GPC5: variants seen among roughly 807,000 people sequenced by gnomAD.
GPC5 encodes glypican 5.
A neutral mutation model predicts 53.9 loss-of-function variants in GPC5; 47 were observed. That is an observed-to-expected ratio of 0.87 (90% confidence interval 0.69 to 1.11). The LOEUF is 1.11. GPC5 is among the 50% of genes most tolerant of loss of function. The pLI is 0.00. For synonymous variants in GPC5, 286 were observed against 263.3 expected, an observed-to-expected ratio of 1.09 and a Z score of -0.84; for missense variants, 748 against 713.1, an observed-to-expected ratio of 1.05 and a Z score of -0.56.
Position 91,435,778 on chromosome 13 carries a change from G to GT in GPC5, c.164-12981dup, listed in dbSNP as rs541089733. On this transcript the variant is annotated intron_variant, in intron 1 of 7. Coordinates refer to ENST00000377067, the MANE Select transcript of GPC5 (RefSeq NM_004466.6). ...GAAGGAATGGTACCAGCTCCTCCTT[G>GT]TTCCTCTGATAGAATTTGGCTGTGA... Among the ~76,000 whole-genome samples, 74 of 152,256 alleles carry GT rather than the reference G, an allele frequency of 4.9e-4. No homozygotes were observed. In the South Asian group the frequency reaches 0.015, roughly 30 times the overall value.
chr13:92,084,064 C>G (rs1273645118), intron 6 of GPC5, among the ~76,000 whole-genome samples: 8 of 152,018 alleles, frequency 5.3e-5, no homozygotes, highest in Admixed American at 4.6e-4. Flanking sequence ...TAAGTGGGAG[C>G]TGAATAATGA....
chr13:91,994,149 G>A (rs922321064), intron 6 of GPC5, among the ~76,000 whole-genome samples: 14 of 152,148 alleles, frequency 9.2e-5, no homozygotes, highest in African/African-American at 3.1e-4. Context: ...AGGAATACAA[G>A]TAAGAAAAGG....
At chr13:92,648,850 C>A (rs1316999) in intron 7 of GPC5, among the ~76,000 whole-genome samples, 2 of 151,832 alleles carry the variant, frequency 1.3e-5, no homozygotes, top group African/African-American at 4.8e-5. Context: ...GAGTGGCTCC[C>A]AATTGCTCAT....
rs1331001 is a variant in GPC5, at chr13:92,146,175, T to A, written c.1561+1186T>A. Among the ~76,000 whole-genome samples the A allele has an allele frequency of 1.8e-4, 28 of 152,242 alleles. No individual in the cohort carries two copies. The South Asian group carries it at 4.6e-3, about 25-fold the overall frequency. On this transcript the variant is annotated intron_variant, in intron 7 of 7. Transcript: ENST00000377067. ...CAAAAGGCCACAAAATTCTTAGTGC[T>A]AGTTAAATATATTCTATTCTTACAG...
intron 6 of GPC5, among the ~76,000 whole-genome samples, chr13:91,920,574 A>G (rs1295376872): frequency 2.0e-5 from 3 of 152,176 alleles, no homozygotes; most frequent in Admixed American, 6.5e-5. Context: ...ACGTGCCTAC[A>G]CACACACAGA....
intron 2 of GPC5, among the ~76,000 whole-genome samples, chr13:91,624,366 A>G (rs1260688878): frequency 1.3e-5 from 2 of 152,154 alleles, no homozygotes; most frequent in Non-Finnish European, 2.9e-5. Flanking sequence ...TAGTATCACA[A>G]GTGTGAATAC....
At chr13:91,660,025 T>C (rs527479053) in intron 2 of GPC5, among the ~76,000 whole-genome samples, 1 of 152,280 alleles carries the variant, frequency 6.6e-6, no homozygotes, top group South Asian at 2.1e-4. Flanking sequence ...AAGAAAGGCT[T>C]CAGGTTGTTA....
chr13:92,215,761 C>T (rs2042405198), intron 7 of GPC5, among the ~76,000 whole-genome samples: 2 of 152,142 alleles, frequency 1.3e-5, no homozygotes, highest in Non-Finnish European at 2.9e-5. Context: ...GCAGAGTTTT[C>T]ATTTAACTCA....
At position 91,739,505 on chromosome 13, in the gene GPC5, G is replaced by T. The variant is rs1001159150; in HGVS notation, c.1154+10840G>T. 3.4e-4 allele frequency among the ~76,000 whole-genome samples: 52 copies of T among 151,486 alleles called. 2 individuals carry two copies. The highest frequency in any genetic ancestry group is 1.2e-3 in the African/African-American group (50 of 40,804). ...ATTAGTTGCGGGGTTCATGCTCAGGGTCATTAGAGAGACTGCTGTCAAGAA... is the reference window on the plus strand; with the variant it reads ...ATTAGTTGCGGGGTTCATGCTCAGGTTCATTAGAGAGACTGCTGTCAAGAA... On this transcript the variant is annotated intron_variant, in intron 4 of 7. Transcript: ENST00000377067.
At chr13:91,449,683 T>G (rs547311187) in intron 2 of GPC5, among the ~76,000 whole-genome samples, 2 of 152,308 alleles carry the variant, frequency 1.3e-5, no homozygotes, top group South Asian at 2.1e-4. Context: ...AAGGGTCATT[T>G]AAGACCAGAA....
At chr13:92,172,272 T>C (rs1357075232) in intron 7 of GPC5, among the ~76,000 whole-genome samples, 1 of 152,154 alleles carries the variant, frequency 6.6e-6, no homozygotes, top group Non-Finnish European at 1.5e-5. Flanking sequence ...CAAGTTGGGT[T>C]GTGCAGTTGA....
intron 6 of GPC5, among the ~76,000 whole-genome samples, chr13:92,132,529 C>G (rs1183811997): frequency 6.6e-6 from 1 of 152,116 alleles, no homozygotes; most frequent in East Asian, 1.9e-4. Context: ...CTGGAAATCA[C>G]TGGTATACCT....
intron 2 of GPC5, among the ~76,000 whole-genome samples, chr13:91,544,656 C>G (rs2030170582): frequency 6.6e-6 from 1 of 152,114 alleles, no homozygotes; most frequent in African/African-American, 2.4e-5. Context: ...CATTTTCTCC[C>G]TGTGCTTTGA....
intron 2 of GPC5, among the ~76,000 whole-genome samples, chr13:91,472,637 T>C (rs1882698919): frequency 6.6e-6 from 1 of 152,218 alleles, no homozygotes; most frequent in Middle Eastern, 3.2e-3. Flanking sequence ...ATGTTATTTT[T>C]ATAGTAAGAC....
At chr13:92,023,690 ACACACTCTCTCT>A (rs933430597) in intron 6 of GPC5, among the ~76,000 whole-genome samples, 17 of 104,936 alleles carry the variant, frequency 1.6e-4, no homozygotes, top group African/African-American at 4.3e-4. Flanking sequence ...ACACACACAC[ACACACTCTCTCT>A]CTCTCTTATA....
chr13:92,128,516 T>C (rs779612983), intron 6 of GPC5, among the ~76,000 whole-genome samples: 2 of 152,236 alleles, frequency 1.3e-5, no homozygotes, highest in Admixed American at 6.5e-5. Context: ...AGTTTCTCAA[T>C]AACATATCTT....
chr13:92,315,286 GGT>G (rs1337698809), intron 7 of GPC5, among the ~76,000 whole-genome samples: 4 of 152,120 alleles, frequency 2.6e-5, no homozygotes, highest in Non-Finnish European at 5.9e-5. Flanking sequence ...GGACTGGGGA[GGT>G]TTTCTGGGAG....
rs149122953 is a variant in GPC5 at position 92,073,379 on chromosome 13, G to C, written c.1402-71451G>C. Among the ~76,000 whole-genome samples, 13 of 152,234 alleles carry C rather than the reference G, an allele frequency of 8.5e-5. No homozygotes were observed. The East Asian group carries it at 2.1e-3, about 25-fold the overall frequency. On this transcript the variant is annotated intron_variant, in intron 6 of 7. Coordinates refer to ENST00000377067, the MANE Select transcript of GPC5 (RefSeq NM_004466.6). ...TTTCTTTTTCTCTCAACTTTATCCA[G>C]GAAGCATCATTTTATATACAGATTT...
At chr13:91,568,107 C>A (rs2031617788) in intron 2 of GPC5, among the ~76,000 whole-genome samples, 1 of 152,108 alleles carries the variant, frequency 6.6e-6, no homozygotes, top group South Asian at 2.1e-4. Context: ...TCCTGAGGTC[C>A]CACTAGCCAT....
Sources: gnomAD v4.1 joint callset for allele counts (sites outside exome capture counted in the v4.1 genomes callset) on GRCh38, gnomAD v4.1.1 for gene constraint, MANE v1.5 for transcripts, NCBI Gene and HGNC (gene_info 2026-07-23, HGNC 2026-07-21) for gene names.